Variants in HMCN1 observed in about 807,000 individuals in gnomAD.
HMCN1 encodes hemicentin-1.
Under a neutral mutation model 625.9 loss-of-function variants are expected in HMCN1, and 321 were observed. The ratio of observed to expected loss-of-function variants is 0.51; its 90% CI spans 0.47 to 0.56. The LOEUF (loss-of-function observed/expected upper bound fraction) is 0.56. Ranked by LOEUF, HMCN1 falls within the 20% of genes least tolerant of loss-of-function variation. HMCN1 has a pLI of 0.00. For missense variants in HMCN1, 6,588 were observed against 6,887.3 expected, an observed-to-expected ratio of 0.96 and a Z score of 1.54; for synonymous variants, 2,425 against 2,417.6, an observed-to-expected ratio of 1.00 and a Z score of -0.09.
chr1:185,895,769 A>G (rs1196240072), intron 4 of HMCN1, among the ~76,000 whole-genome samples: 1 of 152,162 alleles, frequency 6.6e-6, no homozygotes, highest in Non-Finnish European at 1.5e-5. Flanking sequence ...CTCATACTGA[A>G]TGAGCATGTG....
intron 28 of HMCN1, among the ~76,000 whole-genome samples, chr1:186,003,038 A>G (rs2102072837): frequency 6.6e-6 from 1 of 152,188 alleles, no homozygotes; most frequent in East Asian, 1.9e-4. Flanking sequence ...ACTGTAATCC[A>G]TTCTTCACTT....
At chr1:185,849,605 A>C (rs1662037842) in intron 2 of HMCN1, among the ~76,000 whole-genome samples, 1 of 152,186 alleles carries the variant, frequency 6.6e-6, no homozygotes, top group Non-Finnish European at 1.5e-5. Flanking sequence ...TGGATAAATG[A>C]CTTAATTCGG....
chr1:186,049,236 G>A (rs1009339198), intron 42 of HMCN1, among the ~76,000 whole-genome samples: 4 of 152,062 alleles, frequency 2.6e-5, no homozygotes, highest in African/African-American at 4.8e-5. Context: ...GGGCGCTTGC[G>A]TGGTGGGAGA....
chr1:185,796,692 C>CACA (rs1318768804), intron 1 of HMCN1, among the ~76,000 whole-genome samples: 1 of 151,996 alleles, frequency 6.6e-6, no homozygotes, highest in Admixed American at 6.5e-5. Flanking sequence ...TACATATGTA[C>CACA]ACACACTGCA....
In HMCN1 at chr1:186,001,737, G is replaced by T; in HGVS notation, c.4344G>T (p.Val1448=). 1 of 1,611,230 alleles carries T rather than the reference G, an allele frequency of 6.2e-7. No homozygotes were observed. The highest frequency in any genetic ancestry group is 8.5e-7 in the Non-Finnish European group (1 of 1,177,832). ...CTCAGAAGTACTTTAACATTGATGT[G>T]CTAGGTAAGAAATACATCCTTTTAA... ...GTSQKYFNID[V]LVPPTIIGTN... is the part of the protein sequence containing the mutation. The change falls in exon 28 of 107, where the codon GTG becomes GTT. Residue 1448 remains valine, a synonymous_variant. Coordinates refer to ENST00000271588, the MANE Select transcript of HMCN1 (RefSeq NM_031935.3).
chr1:185,904,744 C>A (rs1304020837), intron 4 of HMCN1, among the ~76,000 whole-genome samples: 4 of 151,744 alleles, frequency 2.6e-5, no homozygotes, highest in African/African-American at 9.7e-5. Context: ...TGTACCTATG[C>A]AAATGGCAGT....
chr1:185,818,783 G>C (rs1297966274), intron 1 of HMCN1, among the ~76,000 whole-genome samples: 1 of 152,134 alleles, frequency 6.6e-6, no homozygotes, highest in Non-Finnish European at 1.5e-5. Flanking sequence ...AAAAACTTAA[G>C]TATGGAATGT....
intron 4 of HMCN1, among the ~76,000 whole-genome samples, chr1:185,875,030 T>C (rs1408664786): frequency 6.6e-6 from 1 of 151,722 alleles, no homozygotes; most frequent in Non-Finnish European, 1.5e-5. Flanking sequence ...TAAAAACAAG[T>C]AAGTAAAATT....
intron 1 of HMCN1, among the ~76,000 whole-genome samples, chr1:185,749,239 T>A (rs1654630248): frequency 2.0e-5 from 3 of 152,238 alleles, no homozygotes; most frequent in African/African-American, 7.2e-5. Flanking sequence ...AGTATAATTG[T>A]CATTCACAAA....
chr1:186,114,945 T>C lies in HMCN1; in HGVS notation c.11403T>C (p.His3801=), dbSNP rs766912169. 2 of 1,614,074 alleles carry C rather than the reference T, an allele frequency of 1.2e-6. No individual in the cohort carries two copies. The highest frequency in any genetic ancestry group is 2.7e-5 in the African/African-American group (2 of 74,940). Residue 3801 remains histidine, a splice_region_variant and synonymous_variant, in exon 74 of 107, where the codon CAT becomes CAC. Coordinates refer to ENST00000271588, the MANE Select transcript of HMCN1 (RefSeq NM_031935.3). ...TDRRRIDLQV[H]VPPSIAPGPT... Reference sequence around the variant, plus strand: ...GCAGGCGAATAGATTTACAGGTCCATGGTAAATATCCGTTTATAGACAACA... The same window carrying C: ...GCAGGCGAATAGATTTACAGGTCCACGGTAAATATCCGTTTATAGACAACA...
At chr1:185,956,645 T>C (rs145184415) in intron 11 of HMCN1, among the ~76,000 whole-genome samples, 1 of 152,142 alleles carries the variant, frequency 6.6e-6, no homozygotes, top group Non-Finnish European at 1.5e-5. Context: ...TTGGTTTTTA[T>C]GGAGATGTCC....
In HMCN1 at chr1:186,130,629, G is replaced by A. The variant is rs563362752; in HGVS notation, c.13162G>A (p.Val4388Met). ...AACCATCCAGTGGAACAGAAAGGGA[G>A]TGGATATTGAAATTAGCCACAGAAT... ...TPTIQWNRKG[V>M]DIEISHRIRQ... is the part of the protein sequence containing the mutation. The change falls in exon 85 of 107, where the codon GTG becomes ATG. Residue 4388 changes from valine (V) to methionine (M), a missense_variant. Around this residue, in one of 3 missense-constraint regions of HMCN1, gnomAD observed 1,954 missense variants for 2,013.1 expected, o/e 0.97. Coordinates refer to ENST00000271588, the MANE Select transcript of HMCN1 (RefSeq NM_031935.3). 8.7e-6 allele frequency: 14 copies of A among 1,613,480 alleles called. No individual in the cohort carries two copies. Among genetic ancestry groups the A allele is most frequent in the Middle Eastern group, 1.7e-4 (1 of 6,056 alleles).
At chr1:185,749,358 G>A (rs191506586) in intron 1 of HMCN1, among the ~76,000 whole-genome samples, 113 of 152,188 alleles carry the variant, frequency 7.4e-4, no homozygotes, top group South Asian at 4.2e-4. Flanking sequence ...TTTTCATGAC[G>A]GTTTTGGGAA....
intron 16 of HMCN1, 40 bp downstream of exon 16, chr1:185,978,021 T>A: frequency 3.6e-6 from 5 of 1,392,448 alleles, no homozygotes; most frequent in South Asian, 1.2e-5. Context: ...ATATGTACTT[T>A]TATGTTATAT....
In HMCN1 at chr1:186,107,721, C is replaced by T. The variant is rs146042875; in HGVS notation, c.10853-740C>T. Reference sequence around the variant, plus strand: ...TTTGCATGCACATGTTAGCCCATTCCCTTTATTTTGAGAAATTTCTGTAAG... The same window carrying T: ...TTTGCATGCACATGTTAGCCCATTCTCTTTATTTTGAGAAATTTCTGTAAG... On this transcript the variant is annotated intron_variant, in intron 70 of 106. Coordinates refer to ENST00000271588, the MANE Select transcript of HMCN1 (RefSeq NM_031935.3). Among the ~76,000 whole-genome samples, 339 of 152,032 alleles carry T rather than the reference C, an allele frequency of 2.2e-3. 2 individuals are homozygous for T. The highest frequency in any genetic ancestry group is 7.8e-3 in the African/African-American group (322 of 41,472).
chr1:185,986,800 C>T (rs896201521), intron 19 of HMCN1, among the ~76,000 whole-genome samples: 1 of 141,388 alleles, frequency 7.1e-6, no homozygotes, highest in African/African-American at 2.7e-5. Context: ...CAAGACCAGC[C>T]TGGGTAACAC....
chr1:186,048,761 C>A lies in HMCN1; in HGVS notation c.6499C>A (p.Gln2167Lys). The stretch of plus-strand genomic sequence containing the variant: ...TTTTCAGATTGAAGATGCTCAGGTT[C>A]AAGACACTGGTCGTTACACTTGTGA... ...SVLKIEDAQV[Q>K]DTGRYTCEAT... Residue 2167 changes from glutamine (Q) to lysine (K), a missense_variant, in exon 42 of 107, where the codon CAA (glutamine) becomes AAA (lysine). Around this residue, in one of 3 missense-constraint regions of HMCN1, gnomAD observed 4,628 missense variants for 4,853.1 expected, o/e 0.95. Transcript: ENST00000271588. The A allele has an allele frequency of 1.2e-6, 2 of 1,609,212 alleles. No individual in the cohort carries two copies. Among genetic ancestry groups the A allele is most frequent in the African/African-American group, 2.7e-5 (2 of 74,878 alleles).
chr1:185,928,804 A>T, intron 10 of HMCN1, 137 bp downstream of exon 10: 5 of 967,120 alleles, frequency 5.2e-6, no homozygotes, highest in South Asian at 1.3e-5. Flanking sequence ...CTGAATTGAG[A>T]ACTCAAATCC....
chr1:186,116,972 T>A (rs916261430), intron 75 of HMCN1, 22 bp from the exon 76 acceptor site: 3 of 1,611,454 alleles, frequency 1.9e-6, no homozygotes, highest in African/African-American at 2.7e-5. Context: ...TAGTATCTCA[T>A]GCTTTGAAAT....
Sources: allele counts gnomAD v4.1 joint callset (sites outside exome capture counted in the v4.1 genomes callset), GRCh38; gene constraint gnomAD v4.1.1; regional missense constraint gnomAD v4.1.1; transcripts MANE v1.5; gene names NCBI Gene and HGNC (gene_info 2026-07-23, HGNC 2026-07-21).